The following RECQL5 variants were observed in gnomAD, a reference collection of about 807,000 sequenced individuals.
The protein encoded by RECQL5 is RecQ like helicase 5, also known as ATP-dependent DNA helicase Q5.
Under a neutral mutation model 103.4 loss-of-function variants are expected in RECQL5, and 88 were observed. The observed-to-expected ratio is 0.85, with a 90% confidence interval of 0.72 to 1.02. The LOEUF is 1.02. Ranked by LOEUF, RECQL5 falls within the 50% of genes least tolerant of loss-of-function variation. The pLI, the probability that RECQL5 is intolerant of heterozygous loss-of-function variation, is 0.00. For synonymous variants in RECQL5, 552 were observed against 507.9 expected (o/e 1.09, Z -1.17); for missense variants, 1,232 against 1,284.3 (o/e 0.96, Z 0.62).
At position 75,640,151 on chromosome 17, in the gene RECQL5, T is replaced by C. The variant is rs1211468507; in HGVS notation, c.1230-8483A>G. 2.0e-5 allele frequency: 30 copies of C among 1,501,540 alleles called. No individual in the cohort carries two copies. The highest frequency in any genetic ancestry group is 6.5e-5 in the Admixed American group (3 of 45,898). The allele number at this position is 1,501,540 out of a possible 1,614,324, so 93.0% of individuals were successfully genotyped here. ...CCAGCCGTGGAGGCTCCAGGTGTTC[T>C]CTCTGCCCCAGCAGAGCCCGGCAGG... On this transcript the variant is annotated intron_variant, in intron 8 of 19. Coordinates refer to ENST00000317905, the MANE Select transcript of RECQL5 (RefSeq NM_004259.7). This position sits in a 1 kb window ranked among gnomAD's most constrained non-coding sequence, Gnocchi z 4.6.
intron 8 of RECQL5, chr17:75,633,485 C>T (rs908563350): frequency 5.4e-6 from 7 of 1,288,914 alleles, no homozygotes; most frequent in East Asian, 5.5e-5. Flanking sequence ...GGCGCCTTGC[C>T]GGGCGCGCAG....
intron 16 of RECQL5, 68 bp downstream of exon 16, chr17:75,628,866 C>G (rs562416500): frequency 6.3e-7 from 1 of 1,586,422 alleles, no homozygotes; most frequent in Admixed American, 2.0e-5. Flanking sequence ...GAGCTTCAGA[C>G]GCCCAGTGAG....
chr17:75,632,505 C>A (rs982346016), intron 8 of RECQL5, among the ~76,000 whole-genome samples: 22 of 152,256 alleles, frequency 1.4e-4, no homozygotes, highest in Non-Finnish European at 2.9e-5. Flanking sequence ...CCATCATCAA[C>A]CCGTGAGGGT....
chr17:75,627,911 C>T (rs1439538735), intron 18 of RECQL5, among the ~76,000 whole-genome samples: 16 of 151,630 alleles, frequency 1.1e-4, no homozygotes, highest in African/African-American at 3.6e-4. Context: ...CCCAGCTACT[C>T]GGGAGGCTGA....
In RECQL5 at chr17:75,661,714, T is replaced by C. The variant is rs1317828562; in HGVS notation, c.772-6A>G. The C allele has an allele frequency of 3.7e-6, 6 of 1,608,114 alleles. No individual in the cohort carries two copies. Among genetic ancestry groups the C allele is most frequent in the Non-Finnish European group, 4.3e-6 (5 of 1,174,726 alleles). ...ACAATGCCGCAGCCAGATAACTGAATGGGGAGATGCAGGAAGAAAATAAGC... is the reference window on the plus strand; with the variant it reads ...ACAATGCCGCAGCCAGATAACTGAACGGGGAGATGCAGGAAGAAAATAAGC... On this transcript the variant is annotated splice_region_variant and splice_polypyrimidine_tract_variant and intron_variant, in intron 4 of 19. Coordinates refer to ENST00000317905, the MANE Select transcript of RECQL5 (RefSeq NM_004259.7).
At chr17:75,666,212 G>A (rs2059777236) in intron 2 of RECQL5, among the ~76,000 whole-genome samples, 1 of 152,108 alleles carries the variant, frequency 6.6e-6, no homozygotes. Flanking sequence ...GATTGCCTGA[G>A]CCCAGGATTT....
intron 7 of RECQL5, among the ~76,000 whole-genome samples, chr17:75,657,955 G>T (rs1311379997): frequency 2.0e-5 from 3 of 152,066 alleles, no homozygotes; most frequent in African/African-American, 7.2e-5. Flanking sequence ...GGCTGAGGCA[G>T]AAGAATCGCT....
chr17:75,661,649 T>C lies in RECQL5; in HGVS notation c.831A>G (p.Ile277Met). The change falls in exon 5 of 20, where the codon ATA becomes ATG. Residue 277 changes from isoleucine to methionine, a missense_variant. Coordinates refer to ENST00000317905, the MANE Select transcript of RECQL5 (RefSeq NM_004259.7). Reference protein sequence around the residue: ...RTREACEQLAIELSCRGVNAK... With the variant: ...RTREACEQLAMELSCRGVNAK... ...CGTTCACACCCCTGCAGCTGAGCTCTATGGCCAGCTGTTCACAAGCCTCTC... is the reference window on the plus strand; with the variant it reads ...CGTTCACACCCCTGCAGCTGAGCTCCATGGCCAGCTGTTCACAAGCCTCTC... The C allele has an allele frequency of 6.2e-7, 1 of 1,614,072 alleles. No homozygotes were observed. Among genetic ancestry groups the C allele is most frequent in the Non-Finnish European group, 8.5e-7 (1 of 1,180,020 alleles).
rs2059207881 is a variant in RECQL5 at position 75,631,265 on chromosome 17, G to A, written c.1449-16C>T. The A allele has an allele frequency of 6.2e-7, 1 of 1,610,626 alleles. No individual in the cohort carries two copies. The highest frequency in any genetic ancestry group is 8.5e-7 in the Non-Finnish European group (1 of 1,177,188). On this transcript the variant is annotated splice_polypyrimidine_tract_variant and intron_variant, in intron 9 of 19. Coordinates refer to ENST00000317905, the MANE Select transcript of RECQL5 (RefSeq NM_004259.7). ...TTCGTCATACCTAGGGACAGGCCAG[G>A]CGTGAGTGGCCCTGGCCTGGGCTCT...
intron 7 of RECQL5, among the ~76,000 whole-genome samples, chr17:75,654,366 G>A (rs2059591165): frequency 6.6e-6 from 1 of 152,130 alleles, no homozygotes; most frequent in South Asian, 2.1e-4. Flanking sequence ...AGTGCAATCT[G>A]GACCAGTTTT....
chr17:75,631,267 G>T lies in RECQL5; in HGVS notation c.1449-18C>A, dbSNP rs752637760. On this transcript the variant is annotated intron_variant, in intron 9 of 19. Coordinates refer to ENST00000317905, the MANE Select transcript of RECQL5 (RefSeq NM_004259.7). ...CGTCATACCTAGGGACAGGCCAGGC[G>T]TGAGTGGCCCTGGCCTGGGCTCTGC... 7 of 1,607,142 alleles carry T rather than the reference G, an allele frequency of 4.4e-6. No homozygotes were observed. In the Admixed American group the frequency reaches 6.7e-5, roughly 15 times the overall value.
At chr17:75,641,206 C>T (rs1464825649) in intron 8 of RECQL5, 16 of 327,248 alleles carry the variant, frequency 4.9e-5, no homozygotes, top group Middle Eastern at 3.7e-4. Flanking sequence ...GTAGGGGTCC[C>T]CATACCTTGA....
intron 8 of RECQL5, 124 bp from the exon 9 acceptor site, chr17:75,631,792 C>T (rs2148238403): frequency 3.3e-6 from 3 of 921,480 alleles, no homozygotes; most frequent in South Asian, 3.2e-5. Flanking sequence ...GGGAGCCCCA[C>T]ACCCCTCATC....
intron 7 of RECQL5, among the ~76,000 whole-genome samples, chr17:75,655,739 GT>G (rs2059611974): frequency 6.6e-6 from 1 of 151,934 alleles, no homozygotes; most frequent in African/African-American, 2.4e-5. Flanking sequence ...CCACTCCATG[GT>G]ATGATCTCAG....
intron 8 of RECQL5, among the ~76,000 whole-genome samples, chr17:75,645,577 T>C (rs967017646): frequency 1.3e-5 from 2 of 152,240 alleles, no homozygotes; most frequent in African/African-American, 4.8e-5. Context: ...AGCATCTGAC[T>C]TAACTGACGG....
chr17:75,650,477 G>A (rs1471497806), intron 8 of RECQL5: 1 of 1,386,050 alleles, frequency 7.2e-7, no homozygotes, highest in South Asian at 1.7e-5. Context: ...TCTACCATGA[G>A]CTTCGTGACT....
At chr17:75,634,202 G>C (rs2059275963) in intron 8 of RECQL5, 1 of 985,428 alleles carries the variant, frequency 1.0e-6, no homozygotes, top group African/African-American at 1.7e-5. Context: ...TGAGCTCCCA[G>C]GTGAGTGGCA....
At position 75,629,349 on chromosome 17, in the gene RECQL5, C is replaced by A; in HGVS notation, c.2074G>T (p.Glu692Ter). ...AGGCCACAGGGCCGGCTCGGGGGCT[C>A]GTGCTCGCCTCCCCGCTCGGGCTGG... ...APQPERGGEH[E>*]PPSRPCGLLD... Residue 692 changes from glutamate to a stop codon, truncating the protein, a stop_gained, in exon 16 of 20, where the codon GAG (glutamate) becomes TAG (stop). Coordinates refer to ENST00000317905, the MANE Select transcript of RECQL5 (RefSeq NM_004259.7). LOFTEE classifies it high-confidence loss of function. 3 of 1,519,654 alleles carry A rather than the reference C, an allele frequency of 2.0e-6. No individual in the cohort carries two copies. The highest frequency in any genetic ancestry group is 2.6e-6 in the Non-Finnish European group (3 of 1,134,464). 94.1% of individuals were successfully genotyped at this position (1,519,654 alleles called of 1,614,324 possible).
intron 7 of RECQL5, among the ~76,000 whole-genome samples, chr17:75,656,144 G>A (rs905065777): frequency 6.6e-6 from 1 of 152,024 alleles, no homozygotes. Flanking sequence ...GCGCGATCTC[G>A]GCTCACCACA....
Sources: gnomAD v4.1 joint callset for allele counts (sites outside exome capture counted in the v4.1 genomes callset) on GRCh38, gnomAD v4.1.1 for gene constraint, Gnocchi (gnomAD v3.1) non-coding constraint, MANE v1.5 for transcripts, NCBI Gene and HGNC (gene_info 2026-07-23, HGNC 2026-07-21) for gene names.